The following CDK14 variants were observed in gnomAD, a reference collection of about 807,000 sequenced individuals.
The protein encoded by CDK14 is cyclin dependent kinase 14, also known as cyclin-dependent kinase 14.
A neutral mutation model predicts 60.7 loss-of-function variants in CDK14; 34 were observed. The ratio of observed to expected loss-of-function variants is 0.56; its 90% confidence interval spans 0.43 to 0.75. The LOEUF (loss-of-function observed/expected upper bound fraction) is 0.75, where lower values mean the gene tolerates loss of function less well. CDK14 is among the 30% of genes least tolerant of loss of function. The probability of loss-of-function intolerance (pLI) is 0.00; values close to 1 mark genes in which losing one functional copy is unlikely to be tolerated. For synonymous variants in CDK14, 197 were observed against 203.7 expected, an observed-to-expected ratio of 0.97 and a Z score of 0.28; for missense variants, 482 against 564.1, an observed-to-expected ratio of 0.85 and a Z score of 1.47.
In CDK14 at chr7:90,867,444, A is replaced by G. The variant is rs534331902; in HGVS notation, c.639+4175A>G. On this transcript the variant is annotated intron_variant, in intron 6 of 14. Coordinates refer to ENST00000380050, the MANE Select transcript of CDK14 (RefSeq NM_001287135.2). ...AATTTAAAACAGATCCCATCAGTGA[A>G]AATAAGAATGCTGATAGCAAACATG... Among the ~76,000 whole-genome samples the G allele has an allele frequency of 2.0e-5, 3 of 152,330 alleles. No homozygotes were observed. In the South Asian group the frequency reaches 6.2e-4, roughly 32 times the overall value.
intron 5 of CDK14, among the ~76,000 whole-genome samples, chr7:90,799,558 C>T (rs767434962): frequency 2.0e-5 from 3 of 151,782 alleles, no homozygotes; most frequent in Non-Finnish European, 2.9e-5. Flanking sequence ...GGTGTGGTGG[C>T]GGGCACCTGT....
intron 6 of CDK14, among the ~76,000 whole-genome samples, chr7:90,875,496 A>G (rs1791526498): frequency 6.6e-6 from 1 of 150,912 alleles, no homozygotes; most frequent in African/African-American, 2.4e-5. Flanking sequence ...TGCCAATTTT[A>G]TTTACACTTG....
At chr7:90,895,928 T>TA (rs1249326942) in intron 6 of CDK14, among the ~76,000 whole-genome samples, 2 of 151,544 alleles carry the variant, frequency 1.3e-5, no homozygotes, top group Non-Finnish European at 2.9e-5. Context: ...CCTCACTTAA[T>TA]AAAAAAAATC....
intron 1 of CDK14, among the ~76,000 whole-genome samples, chr7:90,602,181 A>G (rs996822404): frequency 1.3e-5 from 2 of 152,146 alleles, no homozygotes; most frequent in African/African-American, 4.8e-5. Context: ...GAACTTTTAT[A>G]ATGTCCAAAA....
At chr7:91,204,369 A>G (rs1244918841) in intron 14 of CDK14, among the ~76,000 whole-genome samples, 1 of 152,204 alleles carries the variant, frequency 6.6e-6, no homozygotes, top group Non-Finnish European at 1.5e-5. Context: ...AGATTTCACA[A>G]TGGATTTTTA....
chr7:91,015,210 T>C (rs1796265484), intron 10 of CDK14, among the ~76,000 whole-genome samples: 2 of 152,110 alleles, frequency 1.3e-5, no homozygotes, highest in African/African-American at 4.8e-5. Flanking sequence ...ATCAGATCAG[T>C]TTTCTTACTA....
chr7:90,955,952 G>T (rs753772738), intron 9 of CDK14, 135 bp downstream of exon 9: 128 of 1,029,792 alleles, frequency 1.2e-4, no homozygotes, highest in Admixed American at 2.5e-4. Flanking sequence ...CATGCTGCTG[G>T]ATGTTTTAAA....
At chr7:90,975,903 G>T (rs1484161198) in intron 9 of CDK14, among the ~76,000 whole-genome samples, 2 of 152,026 alleles carry the variant, frequency 1.3e-5, no homozygotes, top group South Asian at 2.1e-4. Flanking sequence ...AGTATTCATT[G>T]TGCTTGTAGA....
At chr7:90,831,999 T>G (rs1413137513) in intron 5 of CDK14, among the ~76,000 whole-genome samples, 1 of 152,058 alleles carries the variant, frequency 6.6e-6, no homozygotes, top group African/African-American at 2.4e-5. Context: ...TCCCTCTCCC[T>G]TATCCAATCA....
At position 90,596,589 on chromosome 7, in the gene CDK14, A is replaced by G; in HGVS notation, c.-39A>G. Reference sequence around the variant, plus strand: ...TCGCCGTTGTCTGAGCTGTGCCTGGACCAGTTTGGGGAAGTTGTCGGGGCT... The same window carrying G: ...TCGCCGTTGTCTGAGCTGTGCCTGGGCCAGTTTGGGGAAGTTGTCGGGGCT... On this transcript the variant is annotated 5_prime_UTR_variant, in exon 1 of 15. Coordinates refer to ENST00000380050, the MANE Select transcript of CDK14 (RefSeq NM_001287135.2). 2 of 1,566,572 alleles carry G rather than the reference A, an allele frequency of 1.3e-6. No individual in the cohort carries two copies. The highest frequency in any genetic ancestry group is 2.2e-5 in the East Asian group (1 of 44,484).
intron 4 of CDK14, among the ~76,000 whole-genome samples, chr7:90,753,481 A>G (rs900645482): frequency 6.6e-6 from 1 of 152,164 alleles, no homozygotes; most frequent in South Asian, 2.1e-4. Context: ...TTGAAGGAAC[A>G]TAGTTCAAAA....
chr7:91,162,908 G>A (rs754284492), intron 14 of CDK14, among the ~76,000 whole-genome samples: 1 of 152,152 alleles, frequency 6.6e-6, no homozygotes, highest in African/African-American at 2.4e-5. Flanking sequence ...GTGTGGTGTC[G>A]CTAGTGCCAT....
chr7:90,651,071 G>C (rs889159343), intron 2 of CDK14, among the ~76,000 whole-genome samples: 1 of 152,136 alleles, frequency 6.6e-6, no homozygotes, highest in African/African-American at 2.4e-5. Context: ...TCACAATACT[G>C]ATTCTTCCTA....
intron 5 of CDK14, among the ~76,000 whole-genome samples, chr7:90,823,521 GT>G (rs1273242588): frequency 6.6e-6 from 1 of 152,164 alleles, no homozygotes; most frequent in African/African-American, 2.4e-5. Flanking sequence ...GCCCTGTTGG[GT>G]TTTTCCACTT....
intron 12 of CDK14, among the ~76,000 whole-genome samples, chr7:91,096,802 C>T (rs1233509392): frequency 1.3e-5 from 2 of 152,140 alleles, no homozygotes; most frequent in African/African-American, 2.4e-5. Flanking sequence ...GTCACAAAGT[C>T]GAGTGCATCA....
intron 14 of CDK14, among the ~76,000 whole-genome samples, chr7:91,183,384 C>T (rs1330825069): frequency 6.6e-6 from 1 of 152,164 alleles, no homozygotes; most frequent in Non-Finnish European, 1.5e-5. Flanking sequence ...CCTTTTCTAC[C>T]CTTACTTATT....
intron 8 of CDK14, among the ~76,000 whole-genome samples, chr7:90,946,863 G>A (rs3824045): frequency 0.57 from 85,974 of 151,932 alleles, 25,090 homozygotes; most frequent in East Asian, 0.88. Context: ...CACGGTCCCC[G>A]TCTCCCAGCA....
chr7:90,963,424 TA>T (rs201974227), intron 9 of CDK14, among the ~76,000 whole-genome samples: 8 of 150,382 alleles, frequency 5.3e-5, no homozygotes, highest in African/African-American at 1.7e-4. Flanking sequence ...AATAAAAAAT[TA>T]AAAAAAAATA....
At chr7:90,887,319 A>G (rs1268686889) in intron 6 of CDK14, among the ~76,000 whole-genome samples, 1 of 152,184 alleles carries the variant, frequency 6.6e-6, no homozygotes, top group Non-Finnish European at 1.5e-5. Flanking sequence ...ACTATATTGA[A>G]ATAATTTAAA....
Sources: allele counts gnomAD v4.1 joint callset (sites outside exome capture counted in the v4.1 genomes callset), GRCh38; gene constraint gnomAD v4.1.1; transcripts MANE v1.5; gene names NCBI Gene and HGNC (gene_info 2026-07-23, HGNC 2026-07-21).